HDX: variants seen among roughly 807,000 people sequenced by gnomAD.
The protein encoded by HDX is highly divergent homeobox.
In HDX, 19 loss-of-function variants were observed where a neutral mutation model predicts 45.2. The observed-to-expected ratio is 0.42, with a 90% CI of 0.29 to 0.62. The LOEUF is 0.62. Ranked by LOEUF, HDX falls within the 20% of genes least tolerant of loss-of-function variation. The pLI, the probability that HDX is intolerant of heterozygous loss-of-function variation, is 0.20. For missense variants in HDX, 532 were observed against 493.9 expected, an observed-to-expected ratio of 1.08 and a Z score of -0.73; for synonymous variants, 188 against 172.8, an observed-to-expected ratio of 1.09 and a Z score of -0.69.
chrX:84,409,961 G>T (rs1431374387), intron 5 of HDX, among the ~76,000 whole-genome samples: 1 of 107,086 alleles, frequency 9.3e-6, no homozygotes, highest in African/African-American at 3.4e-5. Context: ...GCTGAGGCAG[G>T]AGAATCGCTT....
chrX:84,403,423 A>C (rs913680678), intron 5 of HDX, among the ~76,000 whole-genome samples: 2 of 111,715 alleles, frequency 1.8e-5, no homozygotes, highest in Non-Finnish European at 3.8e-5. Context: ...TTATCACAAA[A>C]AGTTAAAAAT....
intron 4 of HDX, among the ~76,000 whole-genome samples, chrX:84,458,412 C>T (rs993948564): frequency 3.6e-5 from 4 of 111,675 alleles, no homozygotes; most frequent in Non-Finnish European, 5.7e-5. Context: ...ACATTAAAAC[C>T]GGTTGTTTGA....
At chrX:84,501,887 A>AC (rs1300233846) in intron 1 of HDX, among the ~76,000 whole-genome samples, 1 of 108,150 alleles carries the variant, frequency 9.2e-6, no homozygotes, top group Non-Finnish European at 1.9e-5. Flanking sequence ...ACAGTGACCC[A>AC]CCCCGCCCCC....
chrX:84,430,941 G>T (rs1305067689), intron 5 of HDX, among the ~76,000 whole-genome samples: 2 of 110,163 alleles, frequency 1.8e-5, no homozygotes, highest in Admixed American at 1.9e-4. Context: ...TATCACAGGG[G>T]TTTAGAGTAC....
chrX:84,364,659 C>T (rs1363148766), intron 5 of HDX, among the ~76,000 whole-genome samples: 2 of 108,156 alleles, frequency 1.8e-5, no homozygotes, highest in Non-Finnish European at 3.8e-5. Flanking sequence ...CCCGCCTCCA[C>T]GCCCAGCTAA....
At chrX:84,357,790 T>C (rs1014463881) in intron 6 of HDX, among the ~76,000 whole-genome samples, 2 of 112,418 alleles carry the variant, frequency 1.8e-5, no homozygotes, top group Non-Finnish European at 1.9e-5. Context: ...ACAGTAAAAT[T>C]ACATTTGCAG....
chrX:84,426,193 A>G (rs2039381307), intron 5 of HDX, among the ~76,000 whole-genome samples: 1 of 110,946 alleles, frequency 9.0e-6, no homozygotes, highest in African/African-American at 3.3e-5. Context: ...AGAAAAGGGA[A>G]CTCTCGTACA....
chrX:84,496,779 G>C (rs1438233147), intron 1 of HDX, among the ~76,000 whole-genome samples: 1 of 111,651 alleles, frequency 9.0e-6, no homozygotes, highest in Non-Finnish European at 1.9e-5. Flanking sequence ...GAGGAGTCAG[G>C]ACTGAGCATT....
intron 5 of HDX, among the ~76,000 whole-genome samples, chrX:84,407,725 A>G (rs774115237): frequency 2.2e-3 from 242 of 111,638 alleles, no homozygotes; most frequent in Non-Finnish European, 4.0e-3. Flanking sequence ...ACTTTTTAAT[A>G]GTAGCCATTC....
chrX:84,449,885 C>T (rs976431119), intron 4 of HDX, among the ~76,000 whole-genome samples: 14 of 110,461 alleles, frequency 1.3e-4, no homozygotes, highest in Non-Finnish European at 2.3e-4. Context: ...CATGTTCTCA[C>T]TCACAGGTGG....
chrX:84,426,521 A>G, intron 5 of HDX, among the ~76,000 whole-genome samples: 1 of 111,272 alleles, frequency 9.0e-6, no homozygotes, highest in East Asian at 2.8e-4. Context: ...TCTGGAGTAC[A>G]TTATGCTAAG....
intron 1 of HDX, among the ~76,000 whole-genome samples, chrX:84,500,653 A>T (rs1038675370): frequency 9.0e-6 from 1 of 111,346 alleles, no homozygotes; most frequent in African/African-American, 3.3e-5. Context: ...AGTGGGTAAG[A>T]TGTGAATTAT....
chrX:84,414,360 C>A (rs1415697554), intron 5 of HDX, among the ~76,000 whole-genome samples: 1 of 111,602 alleles, frequency 9.0e-6, no homozygotes, highest in Non-Finnish European at 1.9e-5. Context: ...ACTACACTGA[C>A]TGGCTGGATC....
chrX:84,449,478 A>T (rs187040679), intron 4 of HDX, among the ~76,000 whole-genome samples: 36 of 112,363 alleles, frequency 3.2e-4, no homozygotes, highest in Admixed American at 1.0e-3. Flanking sequence ...TTCTCAGTAG[A>T]AACTTTACAG....
chrX:84,333,802 CT>C lies in HDX; in HGVS notation c.1780del (p.Ser594ValfsTer5). On this transcript the variant is annotated frameshift_variant, in exon 9 of 11. Coordinates refer to ENST00000373177, the MANE Select transcript of HDX (RefSeq NM_001177479.2). LOFTEE classifies it high-confidence loss of function. Reference sequence around the variant, plus strand: ...GTTTACTTGTTCTACTTCAGAATTACTTATCATGTCACTTTCTTCATCATCA... The same window carrying C: ...GTTTACTTGTTCTACTTCAGAATTACTATCATGTCACTTTCTTCATCATCA... The part of the protein sequence containing the change: ...IIDDEESDMI[S>X]NSEVEQVNSF... The C allele has an allele frequency of 1.0e-6, 1 of 980,062 alleles. No homozygotes were observed. The highest frequency in any genetic ancestry group is 1.4e-6 in the Non-Finnish European group (1 of 696,024). The allele number at this position is 980,062 out of a possible 1,213,427, so 80.8% of individuals were successfully genotyped here.
intron 10 of HDX, among the ~76,000 whole-genome samples, chrX:84,322,358 G>A (rs1052340194): frequency 4.5e-5 from 5 of 110,683 alleles, no homozygotes; most frequent in Admixed American, 2.9e-4. Flanking sequence ...ACTGTTTAAG[G>A]GATTTAAAAT....
chrX:84,440,295 T>G, intron 5 of HDX: 2 of 286,822 alleles, frequency 7.0e-6, no homozygotes, highest in Non-Finnish European at 6.1e-6. Context: ...TGGAGTCACT[T>G]TTAAAACTGA....
In HDX at chrX:84,489,940, G is replaced by A. The variant is rs761481870; in HGVS notation, c.-109-1808C>T. The stretch of plus-strand genomic sequence containing the variant: ...GGGTCTGAAGATTTCTTTTAAGGAA[G>A]ATTTTAATTAAAAATTCAATTTCTC... On this transcript the variant is annotated intron_variant, in intron 1 of 10. Coordinates refer to ENST00000373177, the MANE Select transcript of HDX (RefSeq NM_001177479.2). Among the ~76,000 whole-genome samples, 9 of 111,994 alleles carry A rather than the reference G, an allele frequency of 8.0e-5. No homozygotes were observed. The South Asian group carries it at 3.3e-3, about 41-fold the overall frequency.
chrX:84,336,824 G>T lies in HDX; in HGVS notation c.1717C>A (p.His573Asn). 8.4e-7 allele frequency: 1 copy of T among 1,183,818 alleles called. No individual in the cohort carries two copies. The highest frequency in any genetic ancestry group is 1.8e-5 in the South Asian group (1 of 55,300). ...ACCACATTATCTGTGGTTACTGCAT[G>T]GTGGTCCTCTTCCTTATGAGCCCTT... Reference protein sequence around the residue: ...DARAHKEEDHHAVTTDNVKIE... With the variant: ...DARAHKEEDHNAVTTDNVKIE... Residue 573 changes from histidine to asparagine, a missense_variant, in exon 8 of 11, where the codon CAT becomes AAT. By Grantham distance (68) the His-to-Asn change is moderately conservative (BLOSUM62 1). This residue lies in a region of HDX where 151 missense variants were observed against 131.8 expected (regional missense o/e 1.15). Coordinates refer to ENST00000373177, the MANE Select transcript of HDX (RefSeq NM_001177479.2).
Sources: allele counts gnomAD v4.1 joint callset (sites outside exome capture counted in the v4.1 genomes callset), GRCh38; gene constraint gnomAD v4.1.1; regional missense constraint gnomAD v4.1.1; transcripts MANE v1.5; gene names NCBI Gene and HGNC (gene_info 2026-07-23, HGNC 2026-07-21).